Variants in PKHD1 observed in about 807,000 individuals in gnomAD.
PKHD1 encodes the protein PKHD1 ciliary IPT domain containing fibrocystin/polyductin.
PKHD1 carries 291 observed loss-of-function variants against 412.0 expected under a neutral mutation model. That is an observed-to-expected ratio of 0.71 (90% CI 0.64 to 0.78). The LOEUF is 0.78. Among genes scored for constraint, PKHD1 ranks in the 30% least tolerant of loss-of-function variants. The pLI, the probability that PKHD1 is intolerant of heterozygous loss-of-function variation, is 0.00. For synonymous variants in PKHD1, 1,777 were observed against 1,821.5 expected (o/e 0.98, Z 0.62); for missense variants, 4,825 against 4,950.7 (o/e 0.97, Z 0.76).
Position 52,071,026 on chromosome 6 carries a change from T to A in PKHD1, c.647A>T (p.His216Leu). The change falls in exon 9 of 67, where the codon CAT becomes CTT. Residue 216 changes from histidine (H) to leucine (L), a missense_variant. His to Leu is a moderately conservative substitution (Grantham distance 99). Coordinates refer to ENST00000371117, the MANE Select transcript of PKHD1 (RefSeq NM_138694.4). ...EDHGLGTLQCHVEGDYIGSQN... is the reference protein window; with the variant it reads ...EDHGLGTLQCLVEGDYIGSQN... ...CAGACCGATGTAGTCGCCTTCCACA[T>A]GGCACTGCAGAGTCCCAAGACCATG... 1 of 1,604,612 alleles carries A rather than the reference T, an allele frequency of 6.2e-7. No homozygotes were observed. The highest frequency in any genetic ancestry group is 8.5e-7 in the Non-Finnish European group (1 of 1,171,538).
chr6:52,070,666 T>C (rs1241663666), intron 9 of PKHD1, among the ~76,000 whole-genome samples: 1 of 152,128 alleles, frequency 6.6e-6, no homozygotes, highest in Non-Finnish European at 1.5e-5. Context: ...TGTGGACTTC[T>C]AGCAATAAAA....
At chr6:51,962,428 C>T (rs1792195277) in intron 35 of PKHD1, among the ~76,000 whole-genome samples, 1 of 152,086 alleles carries the variant, frequency 6.6e-6, no homozygotes, top group Admixed American at 6.6e-5. Context: ...TCTCAATAAG[C>T]TTTAGAGACT....
Position 52,073,523 on chromosome 6 carries a change from T to C in PKHD1, c.467A>G (p.Tyr156Cys), listed in dbSNP as rs745393982. Residue 156 changes from tyrosine (Y) to cysteine (C), a missense_variant, in exon 7 of 67, where the codon TAT (tyrosine) becomes TGT (cysteine). Transcript: ENST00000371117. ...CAATCTTCCAGTGATAATCCAGCCA[T>C]ATACATGTATTAGTTTTCCTGTTTG... ...SGVPGKLIHV[Y>C]GWIITGRLET... is the part of the protein sequence containing the mutation. The C allele has an allele frequency of 4.4e-6, 7 of 1,599,694 alleles. No individual in the cohort carries two copies. Among genetic ancestry groups the C allele is most frequent in the Admixed American group, 3.3e-5 (2 of 59,964 alleles).
intron 57 of PKHD1, among the ~76,000 whole-genome samples, chr6:51,752,096 G>A (rs1314600222): frequency 1.3e-5 from 2 of 152,020 alleles, no homozygotes; most frequent in Non-Finnish European, 2.9e-5. Context: ...GTTAACTGGG[G>A]GCTTATCTTG....
chr6:51,746,943 C>A, intron 58 of PKHD1, 54 bp from the exon 59 acceptor site: 1 of 1,055,468 alleles, frequency 9.5e-7, no homozygotes, highest in South Asian at 1.4e-5. Context: ...CCACCAGCCA[C>A]AAATATCGAA....
chr6:51,951,288 T>G lies in PKHD1; in HGVS notation c.5908+8582A>C, dbSNP rs367844983. On this transcript the variant is annotated intron_variant, in intron 36 of 66. Coordinates refer to ENST00000371117, the MANE Select transcript of PKHD1 (RefSeq NM_138694.4). ...TTCCATGGCTTTCTAAAAAGTCACT[T>G]AAAATCTCAAGAAGAAAGCTATTTC... is the stretch of plus-strand genomic sequence containing the variant. Among the ~76,000 whole-genome samples the G allele has an allele frequency of 5.5e-4, 84 of 152,034 alleles. No individual in the cohort carries two copies. The South Asian group carries it at 0.018, about 32-fold the overall frequency.
At chr6:51,784,015 A>T (rs1792463517) in intron 53 of PKHD1, among the ~76,000 whole-genome samples, 1 of 152,204 alleles carries the variant, frequency 6.6e-6, no homozygotes. Context: ...TCACTTATAT[A>T]TACATTGTCA....
intron 63 of PKHD1, among the ~76,000 whole-genome samples, chr6:51,643,938 T>C (rs922361904): frequency 6.6e-6 from 1 of 151,912 alleles, no homozygotes; most frequent in African/African-American, 2.4e-5. Flanking sequence ...TCTTAATAAG[T>C]AATTAGATGG....
At chr6:51,818,764 G>A (rs916009826) in intron 52 of PKHD1, among the ~76,000 whole-genome samples, 1 of 152,142 alleles carries the variant, frequency 6.6e-6, no homozygotes, top group African/African-American at 2.4e-5. Flanking sequence ...AGAAATAAAA[G>A]AAGAATCCTT....
intron 36 of PKHD1, among the ~76,000 whole-genome samples, chr6:51,944,708 A>G (rs1789176159): frequency 6.6e-6 from 1 of 152,060 alleles, no homozygotes; most frequent in South Asian, 2.1e-4. Context: ...CCATCCCCCA[A>G]ATGGTGTGGA....
intron 15 of PKHD1, among the ~76,000 whole-genome samples, chr6:52,059,013 T>A (rs182292340): frequency 5.3e-5 from 8 of 152,262 alleles, no homozygotes; most frequent in South Asian, 2.1e-4. Context: ...TAGTAATAAT[T>A]TGAGGAAAAT....
intron 55 of PKHD1, among the ~76,000 whole-genome samples, chr6:51,764,507 G>T (rs535199021): frequency 1.4e-5 from 2 of 146,828 alleles, no homozygotes; most frequent in African/African-American, 5.0e-5. Context: ...TCAGTGTGGC[G>T]ATTCCTCAGG....
rs878940278 is a variant in PKHD1, at chr6:51,672,793, T to C, written c.10157-12824A>G. ...CATATTAGAAAAATGCACATGGCAA[T>C]GAGTTTAATGCCACAAGGAAGGGGC... On this transcript the variant is annotated intron_variant, in intron 60 of 66. Coordinates refer to ENST00000371117, the MANE Select transcript of PKHD1 (RefSeq NM_138694.4). Among the ~76,000 whole-genome samples, 52 of 152,294 alleles carry C rather than the reference T, an allele frequency of 3.4e-4. 1 individual carries two copies. The highest frequency in any genetic ancestry group is 1.2e-3 in the African/African-American group (49 of 41,560).
intron 63 of PKHD1, among the ~76,000 whole-genome samples, chr6:51,641,851 C>T (rs373529639): frequency 6.6e-6 from 1 of 152,076 alleles, no homozygotes; most frequent in African/African-American, 2.4e-5. Flanking sequence ...ACAATGAGAA[C>T]ATATGGGCAC....
chr6:51,719,104 G>A (rs1362373552), intron 60 of PKHD1, among the ~76,000 whole-genome samples: 1 of 68,246 alleles, frequency 1.5e-5, no homozygotes, highest in East Asian at 1.2e-3. Context: ...AATTTTAAGT[G>A]CATATATAAA....
At chr6:51,933,631 C>T (rs1330079611) in intron 37 of PKHD1, among the ~76,000 whole-genome samples, 1 of 152,222 alleles carries the variant, frequency 6.6e-6, no homozygotes, top group Non-Finnish European at 1.5e-5. Context: ...TGCCCCATGT[C>T]GTCTTCGTTC....
chr6:51,968,298 A>G lies in PKHD1; in HGVS notation c.5752-8272T>C, dbSNP rs1408191389. On this transcript the variant is annotated intron_variant, in intron 35 of 66. Coordinates refer to ENST00000371117, the MANE Select transcript of PKHD1 (RefSeq NM_138694.4). ...CATTTAGCTCCCAGGCTAAAGAAGC[A>G]TCAAGCTACTTTGTAGTGAACAATC... Among the ~76,000 whole-genome samples, 4 of 152,230 alleles carry G rather than the reference A, an allele frequency of 2.6e-5. No homozygotes were observed. In the South Asian group the frequency reaches 6.2e-4, roughly 24 times the overall value.
rs543997950 is a variant in PKHD1 at position 51,691,099 on chromosome 6, A to T, written c.10157-31130T>A. On this transcript the variant is annotated intron_variant, in intron 60 of 66. Coordinates refer to ENST00000371117, the MANE Select transcript of PKHD1 (RefSeq NM_138694.4). ...TTAGAGAAATGCAAATCAAAACCAC[A>T]ATGAGATACCATCTAACACCAGTCA... 3.9e-5 allele frequency among the ~76,000 whole-genome samples: 6 copies of T among 152,324 alleles called. No homozygotes were observed. In the South Asian group the frequency reaches 1.2e-3, roughly 32 times the overall value.
At chr6:51,779,789 T>TAAA (rs35453380) in intron 53 of PKHD1, among the ~76,000 whole-genome samples, 1 of 148,012 alleles carries the variant, frequency 6.8e-6, no homozygotes, top group Non-Finnish European at 1.5e-5. Flanking sequence ...CAACTGTTGC[T>TAAA]AAAAAAAAAA....
Sources: gnomAD v4.1 joint callset for allele counts (sites outside exome capture counted in the v4.1 genomes callset) on GRCh38, gnomAD v4.1.1 for gene constraint, MANE v1.5 for transcripts, NCBI Gene and HGNC (gene_info 2026-07-23, HGNC 2026-07-21) for gene names.